ABCC8: variants seen among roughly 807,000 people sequenced by gnomAD.
ABCC8 encodes the protein ATP-binding cassette sub-family C member 8.
In ABCC8, 137 loss-of-function variants were observed where a neutral mutation model predicts 188.0. That is an observed-to-expected ratio of 0.73 (90% CI 0.63 to 0.84). The LOEUF (loss-of-function observed/expected upper bound fraction) is 0.84. ABCC8 is among the 40% of genes least tolerant of loss of function. The pLI is 0.00. For synonymous variants in ABCC8, 797 were observed against 846.5 expected, an observed-to-expected ratio of 0.94 and a Z score of 1.01; for missense variants, 1,750 against 2,072.7, an observed-to-expected ratio of 0.84 and a Z score of 3.02.
intron 33 of ABCC8, chr11:17,396,422 G>A: frequency 6.6e-6 from 2 of 304,926 alleles, no homozygotes; most frequent in Non-Finnish European, 1.3e-5. Context: ...AGGGACAGAG[G>A]TACATCCCAA....
At chr11:17,448,407 G>A (rs746647536) in intron 8 of ABCC8, 109 bp downstream of exon 8, 8 of 1,000,154 alleles carry the variant, frequency 8.0e-6, no homozygotes, top group Non-Finnish European at 1.1e-5. Context: ...GAAAGGTACA[G>A]GCAAGCATGG....
intron 1 of ABCC8, among the ~76,000 whole-genome samples, chr11:17,475,783 A>G (rs866364152): frequency 6.6e-6 from 1 of 152,200 alleles, no homozygotes; most frequent in Non-Finnish European, 1.5e-5. Flanking sequence ...ATGAATTTTA[A>G]GATTTGCTTG....
chr11:17,398,373 A>C lies in ABCC8; in HGVS notation c.3719T>G (p.Leu1240Arg). The change falls in exon 30 of 39, where the codon CTC (leucine) becomes CGC (arginine). Residue 1240 changes from leucine to arginine, a missense_variant. Coordinates refer to ENST00000389817, the MANE Select transcript of ABCC8 (RefSeq NM_000352.6). ...TTCCAGCCATCTGTTGGCAGCTGTG[A>C]GGAAGAGGGAAGCAATGTTGTTGGA... ...TDSNNIASLFLTAANRWLEVR... is the reference protein window; with the variant it reads ...TDSNNIASLFRTAANRWLEVR... 1 of 1,614,158 alleles carries C rather than the reference A, an allele frequency of 6.2e-7. No homozygotes were observed. The highest frequency in any genetic ancestry group is 8.5e-7 in the Non-Finnish European group (1 of 1,180,012).
chr11:17,447,166 G>A (rs1001883739), intron 8 of ABCC8, among the ~76,000 whole-genome samples: 6 of 152,156 alleles, frequency 3.9e-5, no homozygotes, highest in East Asian at 3.8e-4. Context: ...AAGCTCTCCC[G>A]GTGGAACCTT....
chr11:17,393,143 A>AG lies in ABCC8; in HGVS notation c.4609-16dup, dbSNP rs750089728. On this transcript the variant is annotated splice_polypyrimidine_tract_variant and intron_variant, in intron 38 of 38. Transcript: ENST00000389817. ...TGCACTCGATGCTGGGCAGGGCAGG[A>AG]GGGGGCGGGTCAGGATGGTGGGAAT... The AG allele has an allele frequency of 3.8e-6, 5 of 1,305,798 alleles. No homozygotes were observed. The highest frequency in any genetic ancestry group is 3.5e-5 in the South Asian group (3 of 85,826). The allele number at this position is 1,305,798 out of a possible 1,614,324, so 80.9% of individuals were successfully genotyped here.
At chr11:17,402,372 C>A (rs1012009652) in intron 29 of ABCC8, among the ~76,000 whole-genome samples, 7 of 152,180 alleles carry the variant, frequency 4.6e-5, no homozygotes, top group Non-Finnish European at 8.8e-5. Context: ...CCCTTTCTAG[C>A]GTTGATACAT....
intron 6 of ABCC8, among the ~76,000 whole-genome samples, chr11:17,458,411 C>T (rs573797494): frequency 7.2e-5 from 11 of 152,258 alleles, no homozygotes; most frequent in Non-Finnish European, 1.2e-4. Context: ...CTCTTTGGCA[C>T]GTCCTGCCTC....
At chr11:17,456,623 C>G (rs1957007538) in intron 6 of ABCC8, among the ~76,000 whole-genome samples, 1 of 152,134 alleles carries the variant, frequency 6.6e-6, no homozygotes, top group South Asian at 2.1e-4. Context: ...ACACACCTAC[C>G]CATTCATACA....
At position 17,408,077 on chromosome 11, in the gene ABCC8, C is replaced by T. The variant is rs531296760; in HGVS notation, c.2820+315G>A. ...ACCTGGACTTTTTGGTTTCATGGGTCAATAAATCCTTAATTCCCTCTTGTT... is the reference window on the plus strand; with the variant it reads ...ACCTGGACTTTTTGGTTTCATGGGTTAATAAATCCTTAATTCCCTCTTGTT... On this transcript the variant is annotated intron_variant, in intron 23 of 38. Transcript: ENST00000389817. 65 of 285,342 alleles carry T rather than the reference C, an allele frequency of 2.3e-4. 1 individual carries two copies. Among genetic ancestry groups the T allele is most frequent in the Non-Finnish European group, 4.1e-4 (62 of 149,716 alleles). The allele number at this position is 285,342 out of a possible 1,614,324, so 17.7% of individuals were successfully genotyped here.
At chr11:17,399,831 C>T (rs2133420336) in intron 29 of ABCC8, among the ~76,000 whole-genome samples, 1 of 152,328 alleles carries the variant, frequency 6.6e-6, no homozygotes, top group East Asian at 1.9e-4. Flanking sequence ...ACAGGGAACT[C>T]TGGAGGCTTC....
At chr11:17,402,631 C>T in intron 29 of ABCC8, 30 bp downstream of exon 29, 1 of 1,614,230 alleles carries the variant, frequency 6.2e-7, no homozygotes, top group Non-Finnish European at 8.5e-7. Context: ...CCCTGTTCCA[C>T]TCCTACCTTG....
At chr11:17,441,654 C>T (rs1020797780) in intron 10 of ABCC8, among the ~76,000 whole-genome samples, 5 of 152,266 alleles carry the variant, frequency 3.3e-5, no homozygotes, top group South Asian at 4.2e-4. Flanking sequence ...GATGGGTCCA[C>T]GGAGCCACGA....
At chr11:17,441,626 G>A (rs1956319018) in intron 10 of ABCC8, among the ~76,000 whole-genome samples, 1 of 152,078 alleles carries the variant, frequency 6.6e-6, no homozygotes, top group African/African-American at 2.4e-5. Context: ...TTATGCACTT[G>A]GGAAGTAACC....
intron 8 of ABCC8, 195 bp from the exon 9 acceptor site, chr11:17,443,507 G>C (rs1956406787): frequency 1.3e-6 from 1 of 769,170 alleles, no homozygotes; most frequent in Non-Finnish European, 2.1e-6. Context: ...AGCATAATGG[G>C]CTCTCATGCA....
In ABCC8 at chr11:17,476,773, G is replaced by T. The variant is rs756552692; in HGVS notation, c.4C>A (p.Pro2Thr). 13 of 1,562,696 alleles carry T rather than the reference G, an allele frequency of 8.3e-6. No individual in the cohort carries two copies. Among genetic ancestry groups the T allele is most frequent in the African/African-American group, 8.3e-5 (6 of 72,340 alleles). The stretch of plus-strand genomic sequence containing the variant: ...TTCTCGCTGCCGCAGAAGGCCAGGG[G>T]CATGGCGGCGCGGGCGCGGGCTGGG... The part of the protein sequence containing the change: M[P>T]LAFCGSENHS... The change falls in exon 1 of 39, where the codon CCC (proline) becomes ACC (threonine). Residue 2 changes from proline to threonine, a missense_variant. Pro to Thr is a conservative substitution (Grantham distance 38). Coordinates refer to ENST00000389817, the MANE Select transcript of ABCC8 (RefSeq NM_000352.6).
intron 12 of ABCC8, chr11:17,430,401 T>C (rs986471529): frequency 1.2e-5 from 4 of 334,858 alleles, no homozygotes; most frequent in African/African-American, 6.5e-5. Flanking sequence ...ATACTTGGCC[T>C]GGGAAAGATA....
Position 17,474,897 on chromosome 11 carries a change from G to T in ABCC8, c.279C>A (p.Ile93=), listed in dbSNP as rs550990673. Residue 93 remains isoleucine, a synonymous_variant, in exon 2 of 39, where the codon ATC becomes ATA. Transcript: ENST00000389817. ...AGACAGTCACTCACCCATCAGACAG[G>T]ATGCCCTCTGCAATCTCACACACCA... ...FVLVCEIAEG[I]LSDGVTESHH... is the part of the protein sequence containing the mutation. The T allele has an allele frequency of 2.1e-4, 336 of 1,614,098 alleles. 1 individual carries two copies. In the South Asian group the frequency reaches 3.5e-3, roughly 17 times the overall value.
At chr11:17,456,170 C>G (rs1260818687) in intron 6 of ABCC8, among the ~76,000 whole-genome samples, 1 of 152,120 alleles carries the variant, frequency 6.6e-6, no homozygotes, top group African/African-American at 2.4e-5. Context: ...ATCATAGGCC[C>G]TAGTCTTGCA....
chr11:17,395,992 G>A lies in ABCC8; in HGVS notation c.4120-62C>T, dbSNP rs1045828355. ...TGGGGCTGCTGGGAATAGCCTCTAT[G>A]CTAGCTCTGGGTGTGTGTGCAGGTG... is the stretch of plus-strand genomic sequence containing the variant. On this transcript the variant is annotated intron_variant, in intron 33 of 38. Transcript: ENST00000389817. 5.8e-6 allele frequency: 9 copies of A among 1,549,502 alleles called. No homozygotes were observed. In the Admixed American group the frequency reaches 1.8e-4, roughly 30 times the overall value.
Sources: allele counts gnomAD v4.1 joint callset (sites outside exome capture counted in the v4.1 genomes callset), GRCh38; gene constraint gnomAD v4.1.1; transcripts MANE v1.5; gene names NCBI Gene and HGNC (gene_info 2026-07-23, HGNC 2026-07-21).